The following SH3PXD2A variants were observed in gnomAD, a reference collection of about 807,000 sequenced individuals.
SH3PXD2A encodes the protein SH3 and PX domain-containing protein 2A.
Under a neutral mutation model 115.2 loss-of-function variants are expected in SH3PXD2A, and 32 were observed. The observed-to-expected ratio is 0.28, with a 90% CI of 0.21 to 0.37. The LOEUF (loss-of-function observed/expected upper bound fraction) is 0.37, where lower values mean the gene tolerates loss of function less well. Ranked by LOEUF, SH3PXD2A falls within the 10% of genes least tolerant of loss-of-function variation. The pLI, the probability that SH3PXD2A is intolerant of heterozygous loss-of-function variation, is 1.00. For synonymous variants in SH3PXD2A, 610 were observed against 629.1 expected (o/e 0.97, Z 0.45); for missense variants, 1,328 against 1,498.7 (o/e 0.89, Z 1.88).
chr10:103,744,976 G>A (rs1589438023), intron 3 of SH3PXD2A, among the ~76,000 whole-genome samples: 1 of 152,172 alleles, frequency 6.6e-6, no homozygotes, highest in African/African-American at 2.4e-5. Flanking sequence ...GATTTCAGTG[G>A]GGTTGATCCC....
intron 2 of SH3PXD2A, among the ~76,000 whole-genome samples, chr10:103,775,673 T>C (rs1394458577): frequency 6.6e-6 from 1 of 152,194 alleles, no homozygotes; most frequent in Non-Finnish European, 1.5e-5. Context: ...TCAGAGAAAG[T>C]GCTGGGATCC....
intron 8 of SH3PXD2A, among the ~76,000 whole-genome samples, chr10:103,656,343 C>A (rs955036913): frequency 6.6e-6 from 1 of 152,212 alleles, no homozygotes; most frequent in African/African-American, 2.4e-5. Context: ...GGTGAGAAAA[C>A]AATCAGATTC....
In SH3PXD2A at chr10:103,686,735, T is replaced by C. The variant is rs190549671; in HGVS notation, c.427+6293A>G. Among the ~76,000 whole-genome samples, 366 of 148,742 alleles carry C rather than the reference T, an allele frequency of 2.5e-3. 5 individuals are homozygous for C. Among genetic ancestry groups the C allele is most frequent in the African/African-American group, 8.6e-3 (351 of 40,604 alleles). On this transcript the variant is annotated intron_variant, in intron 6 of 14. Transcript: ENST00000369774. ...ATGCAATCACACACTAATTTAGGTG[T>C]TGCTGGGGAATTTTTTTTTTTTTTT... is the stretch of plus-strand genomic sequence containing the variant.
chr10:103,693,056 C>T lies in SH3PXD2A; in HGVS notation c.399G>A (p.Glu133=). 1 of 1,613,532 alleles carries T rather than the reference C, an allele frequency of 6.2e-7. No individual in the cohort carries two copies. Among genetic ancestry groups the T allele is most frequent in the East Asian group, 2.2e-5 (1 of 44,802 alleles). ...ATTTCCTCTTGGAACTGCCATAGTCCCTGAAAAAGAAGCAACAACAGATAG... is the reference window on the plus strand; with the variant it reads ...ATTTCCTCTTGGAACTGCCATAGTCTCTGAAAAAGAAGCAACAACAGATAG... ...ARPEDVNPPK[E]DYGSSKRKSV... Residue 133 remains glutamate, a splice_region_variant and synonymous_variant, in exon 6 of 15, where the codon GAG becomes GAA. Coordinates refer to ENST00000369774, the MANE Select transcript of SH3PXD2A (RefSeq NM_001394015.1).
At chr10:103,829,181 T>C (rs1428321928) in intron 1 of SH3PXD2A, among the ~76,000 whole-genome samples, 1 of 152,220 alleles carries the variant, frequency 6.6e-6, no homozygotes, top group Non-Finnish European at 1.5e-5. Context: ...GTTTATTTAA[T>C]AGTGATCTGT....
At chr10:103,645,021 C>T (rs912065144) in intron 8 of SH3PXD2A, among the ~76,000 whole-genome samples, 2 of 152,160 alleles carry the variant, frequency 1.3e-5, no homozygotes, top group South Asian at 2.1e-4. Flanking sequence ...TGCTGTAGTA[C>T]CCAGGCCCCG....
chr10:103,756,072 GT>G lies in SH3PXD2A; in HGVS notation c.229+11021del, dbSNP rs1377440320. 6.6e-6 allele frequency among the ~76,000 whole-genome samples: 1 copy of G among 152,222 alleles called. No homozygotes were observed. The highest frequency in any genetic ancestry group is 1.5e-5 in the Non-Finnish European group (1 of 68,040). ...CCATGCCAGTCCCCTGGGGCCAACT[GT>G]GGTCTGGAGGCTGGGCAGCCTGGCA... On this transcript the variant is annotated intron_variant, in intron 3 of 14. Transcript: ENST00000369774. This position sits in a 1 kb window ranked among gnomAD's most constrained non-coding sequence, Gnocchi z 4.4.
At position 103,603,492 on chromosome 10, in the gene SH3PXD2A, C is replaced by T. The variant is rs377100440; in HGVS notation, c.1726G>A (p.Val576Met). Residue 576 changes from valine to methionine, a missense_variant, in exon 15 of 15, where the codon GTG becomes ATG. By Grantham distance (21) the Val-to-Met change is conservative. Transcript: ENST00000369774. ...CTCTCCCCTGAGGCTCTGTCCTCCA[C>T]GGGCTCCTCGCTCAGCTCAGGCTCT... ...DSEPELSEEP[V>M]EDRASGERRP... 51 of 1,611,048 alleles carry T rather than the reference C, an allele frequency of 3.2e-5. No individual in the cohort carries two copies. Among genetic ancestry groups the T allele is most frequent in the South Asian group, 1.7e-4 (15 of 90,628 alleles).
Position 103,768,631 on chromosome 10 carries a change from G to A in SH3PXD2A, c.154-1462C>T, listed in dbSNP as rs193013445. ...GATCTGCTTCACACTTAGAAAAGAC[G>A]GCTCTAGCTACGGCGTAGGGAATGG... On this transcript the variant is annotated intron_variant, in intron 2 of 14. Coordinates refer to ENST00000369774, the MANE Select transcript of SH3PXD2A (RefSeq NM_001394015.1). 9.7e-4 allele frequency among the ~76,000 whole-genome samples: 147 copies of A among 152,294 alleles called. No individual in the cohort carries two copies. In the Middle Eastern group the frequency reaches 0.01, roughly 11 times the overall value.
chr10:103,601,800 G>A lies in SH3PXD2A; in HGVS notation c.*16C>T. The A allele has an allele frequency of 6.5e-7, 1 of 1,531,786 alleles. No individual in the cohort carries two copies. The allele number at this position is 1,531,786 out of a possible 1,614,324, so 94.9% of individuals were successfully genotyped here. On this transcript the variant is annotated 3_prime_UTR_variant, in exon 15 of 15. Coordinates refer to ENST00000369774, the MANE Select transcript of SH3PXD2A (RefSeq NM_001394015.1). ...CCAGAGAGGCACACTGAGGCTGGAA[G>A]AGCCCAGGCCCTCTGCTAGTTCTTT...
intron 5 of SH3PXD2A, among the ~76,000 whole-genome samples, chr10:103,700,213 C>A (rs57104403): frequency 0.012 from 1,753 of 152,362 alleles, 24 homozygotes; most frequent in African/African-American, 0.04. Context: ...AACCCTGGTT[C>A]AGCCACCTAG....
intron 1 of SH3PXD2A, among the ~76,000 whole-genome samples, chr10:103,836,581 AAC>A (rs773410948): frequency 2.7e-4 from 40 of 150,702 alleles, no homozygotes; most frequent in Non-Finnish European, 2.2e-4. Context: ...CAACACATCC[AAC>A]ACACACAGTC....
chr10:103,715,802 G>A (rs911936769), intron 5 of SH3PXD2A, among the ~76,000 whole-genome samples: 2 of 152,214 alleles, frequency 1.3e-5, no homozygotes, highest in African/African-American at 4.8e-5. Context: ...TCCTGGAGGA[G>A]ACACCCCACA....
rs141695311 is a variant in SH3PXD2A at position 103,817,274 on chromosome 10, C to T, written c.73-15912G>A. 1.5e-3 allele frequency among the ~76,000 whole-genome samples: 226 copies of T among 152,036 alleles called. 2 individuals carry two copies. Among genetic ancestry groups the T allele is most frequent in the African/African-American group, 5.2e-3 (216 of 41,464 alleles). ...TCACCCAGGTATAAAGCCCAGTACCCGACAGTTGTCTTTTCTGCTCCTCTC... is the reference window on the plus strand; with the variant it reads ...TCACCCAGGTATAAAGCCCAGTACCTGACAGTTGTCTTTTCTGCTCCTCTC... On this transcript the variant is annotated intron_variant, in intron 1 of 14. Transcript: ENST00000369774.
chr10:103,594,326 AT>A lies in SH3PXD2A; in HGVS notation c.*7489del, dbSNP rs1245085253. 1 of 152,682 alleles carries A rather than the reference AT, an allele frequency of 6.5e-6. No homozygotes were observed. The highest frequency in any genetic ancestry group is 1.5e-5 in the Non-Finnish European group (1 of 68,052). 9.5% of individuals were successfully genotyped at this position (152,682 alleles called of 1,614,324 possible). A position where few individuals can be genotyped will look rare whatever the true frequency, so the allele number is the denominator to read the frequency against. ...TTTAGCACCACCATTGATTCTGGAA[AT>A]ATTTCAGCACTCAAATCGACTGCAC... On this transcript the variant is annotated 3_prime_UTR_variant, in exon 15 of 15. Coordinates refer to ENST00000369774, the MANE Select transcript of SH3PXD2A (RefSeq NM_001394015.1).
chr10:103,619,514 C>A (rs2036571439), intron 10 of SH3PXD2A, among the ~76,000 whole-genome samples: 1 of 152,202 alleles, frequency 6.6e-6, no homozygotes. Context: ...AAAATGACAG[C>A]CCTTCTCGTG....
At chr10:103,662,063 G>T in intron 7 of SH3PXD2A, 1 of 632,034 alleles carries the variant, frequency 1.6e-6, no homozygotes, top group Non-Finnish European at 2.0e-6. Context: ...GACTGACTCA[G>T]TTTCTCTCTG....
intron 7 of SH3PXD2A, chr10:103,662,097 T>C (rs1476760189): frequency 2.4e-6 from 1 of 423,128 alleles, no homozygotes; most frequent in African/African-American, 2.2e-5. Flanking sequence ...GGGCTTGTGG[T>C]CAGGCCCCGG....
At position 103,617,183 on chromosome 10, in the gene SH3PXD2A, T is replaced by A; in HGVS notation, c.920+14A>T. The A allele has an allele frequency of 1.3e-6, 2 of 1,581,140 alleles. No individual in the cohort carries two copies. The highest frequency in any genetic ancestry group is 1.7e-6 in the Non-Finnish European group (2 of 1,149,878). ...GGCGAGAGGCATCTCGTTCATAATG[T>A]AAGGGTTCCCTACCTGATATACCAC... is the stretch of plus-strand genomic sequence containing the variant. On this transcript the variant is annotated intron_variant, in intron 11 of 14. Transcript: ENST00000369774.
Sources: gnomAD v4.1 joint callset for allele counts (sites outside exome capture counted in the v4.1 genomes callset) on GRCh38, gnomAD v4.1.1 for gene constraint, Gnocchi (gnomAD v3.1) non-coding constraint, MANE v1.5 for transcripts, NCBI Gene and HGNC (gene_info 2026-07-23, HGNC 2026-07-21) for gene names.